Variants in DCLK1 observed in about 807,000 individuals in gnomAD.
DCLK1 encodes doublecortin like kinase 1, also known as serine/threonine-protein kinase DCLK1.
Under a neutral mutation model 86.2 loss-of-function variants are expected in DCLK1, and 16 were observed. The observed-to-expected ratio is 0.19, with a 90% CI of 0.13 to 0.28. The LOEUF is 0.28. Among genes scored for constraint, DCLK1 ranks in the 10% least tolerant of loss-of-function variants. The pLI, the probability that DCLK1 is intolerant of heterozygous loss-of-function variation, is 1.00. For synonymous variants in DCLK1, 369 were observed against 370.5 expected (o/e 1.00, Z 0.05); for missense variants, 590 against 940.2 (o/e 0.63, Z 4.87).
chr13:35,811,458 T>C (rs1266642573), intron 11 of DCLK1, among the ~76,000 whole-genome samples: 1 of 152,240 alleles, frequency 6.6e-6, no homozygotes, highest in Non-Finnish European at 1.5e-5. Context: ...TAATTAAAAC[T>C]GATTTGCATA....
At chr13:35,921,141 G>A (rs1016256479) in intron 4 of DCLK1, among the ~76,000 whole-genome samples, 1 of 152,256 alleles carries the variant, frequency 6.6e-6, no homozygotes, top group Middle Eastern at 3.4e-3. Flanking sequence ...GTCATACCCT[G>A]CTGGGACCAC....
chr13:35,874,165 T>C (rs117056142), intron 4 of DCLK1, among the ~76,000 whole-genome samples: 5,897 of 152,316 alleles, frequency 0.039, 169 homozygotes, highest in Middle Eastern at 0.078. Flanking sequence ...AAAATTTTTC[T>C]TCCCTATCCA....
intron 3 of DCLK1, among the ~76,000 whole-genome samples, chr13:36,100,195 A>C (rs1189096240): frequency 2.3e-5 from 3 of 128,224 alleles, no homozygotes; most frequent in East Asian, 2.9e-4. Flanking sequence ...AAAAAAAAAA[A>C]AAAAAAAAAA....
intron 4 of DCLK1, among the ~76,000 whole-genome samples, chr13:35,920,287 T>C (rs1875720982): frequency 6.6e-6 from 1 of 152,150 alleles, no homozygotes; most frequent in East Asian, 1.9e-4. Flanking sequence ...CCTTGACACG[T>C]ATGGAGCATA....
At chr13:35,994,154 T>C (rs755618781) in intron 3 of DCLK1, among the ~76,000 whole-genome samples, 1 of 151,660 alleles carries the variant, frequency 6.6e-6, no homozygotes, top group African/African-American at 2.4e-5. Flanking sequence ...GGTTGGGGCA[T>C]GGTGATTTTG....
intron 4 of DCLK1, among the ~76,000 whole-genome samples, chr13:35,930,363 T>C (rs1593742727): frequency 1.3e-5 from 2 of 152,368 alleles, no homozygotes; most frequent in South Asian, 2.1e-4. Context: ...AGTTCCCTCC[T>C]GTACTCAGGG....
chr13:35,819,450 T>C lies in DCLK1; in HGVS notation c.1554+3279A>G, dbSNP rs186996657. ...AAGTTCTACATACACAATTATACTG[T>C]GTACAATGAAATCTATAGCTGAATT... On this transcript the variant is annotated intron_variant, in intron 11 of 16. Transcript: ENST00000360631. Among the ~76,000 whole-genome samples the C allele has an allele frequency of 7.2e-4, 110 of 152,318 alleles. 1 individual carries two copies. Among genetic ancestry groups the C allele is most frequent in the African/African-American group, 2.6e-3 (107 of 41,580 alleles).
At chr13:35,811,070 G>A (rs2087131142) in intron 11 of DCLK1, 102 bp from the exon 12 acceptor site, 2 of 1,444,128 alleles carry the variant, frequency 1.4e-6, no homozygotes, top group African/African-American at 1.4e-5. Flanking sequence ...TGTATAGGAG[G>A]TAAAAAATAA....
rs1555358861 is a variant in DCLK1, at chr13:36,045,368, A to ATCTATATATCTATATATC, written c.723+66500_723+66501insGATATATAGATATATAGA. The stretch of plus-strand genomic sequence containing the variant: ...TATATATATATATATATATATATAT[A>ATCTATATATCTATATATC]TATATATATTTCAAGGTAAATTGCT... On this transcript the variant is annotated intron_variant, in intron 3 of 16. Transcript: ENST00000360631. 3.9e-4 allele frequency among the ~76,000 whole-genome samples: 37 copies of ATCTATATATCTATATATC among 94,922 alleles called. 3 individuals carry two copies. The Admixed American group carries it at 4.0e-3, about 10-fold the overall frequency. The allele number at this position is 94,922 out of a possible 152,430, so 62.3% of individuals were successfully genotyped here. A position where few individuals can be genotyped will look rare whatever the true frequency, so the allele number is the denominator to read the frequency against.
In DCLK1 at chr13:35,793,491, GAAAT is replaced by G. The variant is rs1380943920; in HGVS notation, c.1945-16_1945-13del. Reference sequence around the variant, plus strand: ...GGGAGGCCATCATCCTGGAGAAAAAGAAATAAAGAGAAGAGAAAAAGAAAGAAAA... The same window carrying G: ...GGGAGGCCATCATCCTGGAGAAAAAGAAAGAGAAGAGAAAAAGAAAGAAAA... On this transcript the variant is annotated splice_polypyrimidine_tract_variant and intron_variant, in intron 15 of 16. Transcript: ENST00000360631. The G allele has an allele frequency of 1.3e-6, 2 of 1,566,062 alleles. No individual in the cohort carries two copies. The highest frequency in any genetic ancestry group is 2.8e-5 in the African/African-American group (2 of 72,526).
chr13:35,954,324 C>G (rs942043753), intron 3 of DCLK1, among the ~76,000 whole-genome samples: 2 of 152,094 alleles, frequency 1.3e-5, no homozygotes, highest in South Asian at 4.1e-4. Flanking sequence ...TCAGTTAAAA[C>G]TTGGCACATA....
intron 3 of DCLK1, among the ~76,000 whole-genome samples, chr13:36,008,323 C>G (rs1881103906): frequency 9.3e-6 from 1 of 107,670 alleles, no homozygotes; most frequent in Admixed American, 1.0e-4. Flanking sequence ...GCTGCACCCA[C>G]TAACTCGTCA....
At chr13:36,096,344 AT>A (rs1371290701) in intron 3 of DCLK1, among the ~76,000 whole-genome samples, 3 of 152,202 alleles carry the variant, frequency 2.0e-5, no homozygotes, top group Non-Finnish European at 4.4e-5. Context: ...GAAAAAGAAG[AT>A]AAGTATACAC....
intron 4 of DCLK1, among the ~76,000 whole-genome samples, chr13:35,909,097 T>C (rs1179125449): frequency 6.6e-6 from 1 of 152,190 alleles, no homozygotes; most frequent in Non-Finnish European, 1.5e-5. Context: ...GCTCAGTAGG[T>C]ATGTTTGGAC....
At chr13:35,955,721 C>G (rs1877942989) in intron 3 of DCLK1, among the ~76,000 whole-genome samples, 1 of 152,092 alleles carries the variant, frequency 6.6e-6, no homozygotes, top group Non-Finnish European at 1.5e-5. Flanking sequence ...AATGGACCTA[C>G]CAATGCTTAC....
rs980591536 is a variant in DCLK1 at position 36,112,344 on chromosome 13, G to A, written c.377-129C>T. The A allele has an allele frequency of 1.3e-5, 8 of 616,814 alleles. No individual in the cohort carries two copies. In the South Asian group the frequency reaches 2.0e-4, roughly 15 times the overall value. 38.2% of individuals were successfully genotyped at this position (616,814 alleles called of 1,614,324 possible). A position where few individuals can be genotyped will look rare whatever the true frequency, so the allele number is the denominator to read the frequency against. On this transcript the variant is annotated intron_variant, in intron 2 of 16. Coordinates refer to ENST00000360631, the MANE Select transcript of DCLK1 (RefSeq NM_001330071.2). ...CCCTGACTTTTCAAACAATGGAAGT[G>A]TGATTAATAATTAGGGAAAAAGAAA...
rs1424096857 is a variant in DCLK1 at position 36,033,702 on chromosome 13, G to T, written c.723+78167C>A. On this transcript the variant is annotated intron_variant, in intron 3 of 16. Coordinates refer to ENST00000360631, the MANE Select transcript of DCLK1 (RefSeq NM_001330071.2). ...GAACTTTGGGAGGCCAAGGTGGGCG[G>T]ATTACCTGAGGCCAGGAGTTTGAGA... 2.0e-5 allele frequency among the ~76,000 whole-genome samples: 3 copies of T among 152,162 alleles called. No homozygotes were observed. In the East Asian group the frequency reaches 5.8e-4, roughly 29 times the overall value.
intron 3 of DCLK1, among the ~76,000 whole-genome samples, chr13:36,024,291 A>T (rs1176780661): frequency 1.3e-5 from 2 of 151,972 alleles, no homozygotes; most frequent in East Asian, 3.9e-4. Context: ...AAAAGAAGAA[A>T]TAAAACTCTC....
intron 6 of DCLK1, among the ~76,000 whole-genome samples, chr13:35,845,739 G>A (rs1870130036): frequency 6.6e-6 from 1 of 152,130 alleles, no homozygotes; most frequent in African/African-American, 2.4e-5. Flanking sequence ...GACGTTATGT[G>A]GTACCATTCT....
Sources: gnomAD v4.1 joint callset for allele counts (sites outside exome capture counted in the v4.1 genomes callset) on GRCh38, gnomAD v4.1.1 for gene constraint, MANE v1.5 for transcripts, NCBI Gene and HGNC (gene_info 2026-07-23, HGNC 2026-07-21) for gene names.